The following IGFBP3 variants were observed in gnomAD, a reference collection of about 807,000 sequenced individuals.
The protein encoded by IGFBP3 is insulin-like growth factor-binding protein 3.
IGFBP3 carries 9 observed loss-of-function variants against 28.6 expected under a neutral mutation model. The ratio of observed to expected loss-of-function variants is 0.31; its 90% CI spans 0.19 to 0.55. The LOEUF (loss-of-function observed/expected upper bound fraction) is 0.55, where lower values mean the gene tolerates loss of function less well. Ranked by LOEUF, IGFBP3 falls within the 20% of genes least tolerant of loss-of-function variation. The pLI is 0.93. For synonymous variants in IGFBP3, 185 were observed against 188.2 expected (o/e 0.98, Z 0.14); for missense variants, 382 against 428.9 (o/e 0.89, Z 0.97).
At chr7:45,919,610 A>T (rs903199931) in intron 1 of IGFBP3, among the ~76,000 whole-genome samples, 2 of 152,236 alleles carry the variant, frequency 1.3e-5, no homozygotes, top group East Asian at 3.8e-4. Context: ...GGGCCTGCCC[A>T]GTGACATCTG....
rs994935423 is a variant in IGFBP3 at position 45,913,031 on chromosome 7, T to C, written c.*819A>G. ...CTATTTTCTGCAGTCATCCGAAGAA[T>C]TGTGCCATTACTTGTGATGCCTCTG... On this transcript the variant is annotated 3_prime_UTR_variant, in exon 5 of 5. Coordinates refer to ENST00000613132, the MANE Select transcript of IGFBP3 (RefSeq NM_000598.5). 6.6e-6 allele frequency: 1 copy of C among 152,184 alleles called. No homozygotes were observed. Among genetic ancestry groups the C allele is most frequent in the African/African-American group, 2.4e-5 (1 of 41,430 alleles). The allele number at this position is 152,184 out of a possible 1,614,324, so 9.4% of individuals were successfully genotyped here. A position where few individuals can be genotyped will look rare whatever the true frequency, so the allele number is the denominator to read the frequency against.
At position 45,921,153 on chromosome 7, in the gene IGFBP3, C is replaced by A. The variant is rs1012015567; in HGVS notation, c.-13G>T. On this transcript the variant is annotated 5_prime_UTR_variant, in exon 1 of 5. Coordinates refer to ENST00000613132, the MANE Select transcript of IGFBP3 (RefSeq NM_000598.5). The stretch of plus-strand genomic sequence containing the variant: ...GCGCCCGCTGCATGACGCCTGCAAC[C>A]GGGGCACGCTGCTTGGCAGGCTGGG... The A allele has an allele frequency of 6.7e-7, 1 of 1,502,664 alleles. No homozygotes were observed. Among genetic ancestry groups the A allele is most frequent in the Non-Finnish European group, 8.8e-7 (1 of 1,130,922 alleles). The allele number at this position is 1,502,664 out of a possible 1,614,324, so 93.1% of individuals were successfully genotyped here.
In IGFBP3 at chr7:45,920,757, C is replaced by T; in HGVS notation, c.384G>A (p.Leu128=). 1.4e-6 allele frequency: 2 copies of T among 1,421,248 alleles called. No homozygotes were observed. Among genetic ancestry groups the T allele is most frequent in the Admixed American group, 3.0e-5 (1 of 32,936 alleles). The allele number at this position is 1,421,248 out of a possible 1,614,324, so 88.0% of individuals were successfully genotyped here. Residue 128 remains leucine (L), a synonymous_variant, in exon 1 of 5, where the codon CTG becomes CTA. Transcript: ENST00000613132. ...GCTCACCTGGAGCTGGCGGCGCTGG[C>T]AGCAGGTAGGCGCGCAGGCGGCTGA... The part of the protein sequence containing the change: ...SAVSRLRAYL[L]PAPPAPGNAS...
Position 45,917,141 on chromosome 7 carries a change from C to T in IGFBP3, c.630+72G>A, listed in dbSNP as rs1022529783. The stretch of plus-strand genomic sequence containing the variant: ...CTGGGGTTTGTTGAGTAAGAATTGC[C>T]CTCAAGAGGCTCTGAGTACCCAGGC... On this transcript the variant is annotated intron_variant, in intron 2 of 4. Coordinates refer to ENST00000613132, the MANE Select transcript of IGFBP3 (RefSeq NM_000598.5). 40 of 1,272,164 alleles carry T rather than the reference C, an allele frequency of 3.1e-5. No individual in the cohort carries two copies. In the Admixed American group the frequency reaches 6.4e-4, roughly 20 times the overall value. 78.8% of individuals were successfully genotyped at this position (1,272,164 alleles called of 1,614,324 possible).
At position 45,921,254 on chromosome 7, in the gene IGFBP3, A is replaced by G. The variant is rs1297401068; in HGVS notation, c.-114T>C. ...AGGAAGCGGCTGATCCTCAGCGCCC[A>G]GCCGCAGTGCTCGCATCTGGGCGGC... On this transcript the variant is annotated 5_prime_UTR_variant, in exon 1 of 5. Coordinates refer to ENST00000613132, the MANE Select transcript of IGFBP3 (RefSeq NM_000598.5). The G allele has an allele frequency of 5.5e-6, 7 of 1,265,484 alleles. No individual in the cohort carries two copies. The South Asian group carries it at 9.1e-5, about 16-fold the overall frequency. The allele number at this position is 1,265,484 out of a possible 1,614,324, so 78.4% of individuals were successfully genotyped here.
At chr7:45,916,736 T>G in intron 2 of IGFBP3, 69 bp from the exon 3 acceptor site, 1 of 1,539,198 alleles carries the variant, frequency 6.5e-7, no homozygotes, top group South Asian at 1.1e-5. Flanking sequence ...TTTAAAAATC[T>G]TACGATGCTG....
At chr7:45,919,534 C>T (rs943253634) in intron 1 of IGFBP3, among the ~76,000 whole-genome samples, 4 of 152,288 alleles carry the variant, frequency 2.6e-5, no homozygotes, top group African/African-American at 7.2e-5. Flanking sequence ...ATAACTTCAC[C>T]CGGGCGTGGA....
chr7:45,918,284 G>T (rs1014688450), intron 1 of IGFBP3, among the ~76,000 whole-genome samples: 1 of 152,048 alleles, frequency 6.6e-6, no homozygotes, highest in East Asian at 1.9e-4. Flanking sequence ...CCTTCCCTGG[G>T]TGGGGGTGGG....
rs1406590583 is a variant in IGFBP3 at position 45,914,885 on chromosome 7, G to A, written c.811C>T (p.Pro271Ser). The A allele has an allele frequency of 2.5e-6, 4 of 1,614,088 alleles. No homozygotes were observed. Among genetic ancestry groups the A allele is most frequent in the Non-Finnish European group, 3.4e-6 (4 of 1,179,962 alleles). The change falls in exon 4 of 5, where the codon CCT becomes TCT. Residue 271 changes from proline to serine, a missense_variant. By Grantham distance (74) the Pro-to-Ser change is moderately conservative (BLOSUM62 -1). Coordinates refer to ENST00000613132, the MANE Select transcript of IGFBP3 (RefSeq NM_000598.5). ...CCCTTGGTGGTGTAGCCTGGGAGAGGCTGCCCATACTTATCCACACACCAG... is the reference window on the plus strand; with the variant it reads ...CCCTTGGTGGTGTAGCCTGGGAGAGACTGCCCATACTTATCCACACACCAG... Reference protein sequence around the residue: ...FCWCVDKYGQPLPGYTTKGKE... With the variant: ...FCWCVDKYGQSLPGYTTKGKE...
At position 45,913,157 on chromosome 7, in the gene IGFBP3, A is replaced by C; in HGVS notation, c.*693T>G. 6.6e-6 allele frequency: 1 copy of C among 152,172 alleles called. No homozygotes were observed. Among genetic ancestry groups the C allele is most frequent in the East Asian group, 1.9e-4 (1 of 5,182 alleles). The allele number at this position is 152,172 out of a possible 1,614,324, so 9.4% of individuals were successfully genotyped here. Reference sequence around the variant, plus strand: ...TCGACTGGGCCATGTCTTCAGGAAGATTCCTGAAGAGGAGGGCCCGAAATA... The same window carrying C: ...TCGACTGGGCCATGTCTTCAGGAAGCTTCCTGAAGAGGAGGGCCCGAAATA... On this transcript the variant is annotated 3_prime_UTR_variant, in exon 5 of 5. Coordinates refer to ENST00000613132, the MANE Select transcript of IGFBP3 (RefSeq NM_000598.5).
At chr7:45,919,036 G>GT (rs1562581793) in intron 1 of IGFBP3, among the ~76,000 whole-genome samples, 1 of 152,116 alleles carries the variant, frequency 6.6e-6, no homozygotes, top group East Asian at 1.9e-4. Context: ...GTAAATAAAC[G>GT]TATTTATACT....
chr7:45,919,554 C>A (rs1784656645), intron 1 of IGFBP3, among the ~76,000 whole-genome samples: 1 of 152,180 alleles, frequency 6.6e-6, no homozygotes, highest in Non-Finnish European at 1.5e-5. Context: ...AACTCTACAG[C>A]TACATAAATT....
chr7:45,915,924 T>C (rs998519013), intron 3 of IGFBP3, among the ~76,000 whole-genome samples: 1 of 152,186 alleles, frequency 6.6e-6, no homozygotes, highest in Admixed American at 6.5e-5. Context: ...ACCTGGTATG[T>C]GCTGGGGATG....
At position 45,913,808 on chromosome 7, in the gene IGFBP3, A is replaced by T. The variant is rs1223886858; in HGVS notation, c.*42T>A. ...TGTCCTTGGCAGTCTTTTGTGCAAAATAAGGCATATTTGAGCTCCACATTA... is the reference window on the plus strand; with the variant it reads ...TGTCCTTGGCAGTCTTTTGTGCAAATTAAGGCATATTTGAGCTCCACATTA... On this transcript the variant is annotated 3_prime_UTR_variant, in exon 5 of 5. Transcript: ENST00000613132. 2.0e-5 allele frequency: 3 copies of T among 152,570 alleles called. No homozygotes were observed. Among genetic ancestry groups the T allele is most frequent in the African/African-American group, 7.2e-5 (3 of 41,460 alleles). The allele number at this position is 152,570 out of a possible 1,614,324, so 9.5% of individuals were successfully genotyped here. A position where few individuals can be genotyped will look rare whatever the true frequency, so the allele number is the denominator to read the frequency against.
In IGFBP3 at chr7:45,916,656, A is replaced by C. The variant is rs376919463; in HGVS notation, c.642T>G (p.Arg214=). 21 of 1,612,630 alleles carry C rather than the reference A, an allele frequency of 1.3e-5. No individual in the cohort carries two copies. The East Asian group carries it at 1.8e-4, about 14-fold the overall frequency. Residue 214 remains arginine, a synonymous_variant, in exon 3 of 5, where the codon CGT becomes CGG. Transcript: ENST00000613132. ...SKRETEYGPC[R]REMEDTLNHL... is the part of the protein sequence containing the mutation. Reference sequence around the variant, plus strand: ...GATTCAGTGTGTCTTCCATTTCTCTACGGCAGGGACCCTGGGGATCAGGAA... The same window carrying C: ...GATTCAGTGTGTCTTCCATTTCTCTCCGGCAGGGACCCTGGGGATCAGGAA...
At position 45,912,760 on chromosome 7, in the gene IGFBP3, T is replaced by G. The variant is rs962016282; in HGVS notation, c.*1090A>C. 1 of 152,648 alleles carries G rather than the reference T, an allele frequency of 6.6e-6. No individual in the cohort carries two copies. The highest frequency in any genetic ancestry group is 1.5e-5 in the Non-Finnish European group (1 of 68,052). The allele number at this position is 152,648 out of a possible 1,614,324, so 9.5% of individuals were successfully genotyped here. A position where few individuals can be genotyped will look rare whatever the true frequency, so the allele number is the denominator to read the frequency against. On this transcript the variant is annotated 3_prime_UTR_variant, in exon 5 of 5. Coordinates refer to ENST00000613132, the MANE Select transcript of IGFBP3 (RefSeq NM_000598.5). ...CAAGAACATATCTTCTCTGCATATA[T>G]GTGTGAATTATAAAGAAAAGCATGA...
intron 4 of IGFBP3, 181 bp downstream of exon 4, chr7:45,914,624 G>T (rs1362220703): frequency 1.9e-6 from 1 of 536,556 alleles, no homozygotes; most frequent in African/African-American, 1.9e-5. Flanking sequence ...GGTTGATGGG[G>T]TCTCCCTCTC....
intron 2 of IGFBP3, 45 bp downstream of exon 2, chr7:45,917,168 T>G (rs1308079746): frequency 6.7e-7 from 1 of 1,485,298 alleles, no homozygotes; most frequent in Non-Finnish European, 9.4e-7. Context: ...TACCCAGGCT[T>G]GGCAGGTCTT....
At chr7:45,916,688 G>T in intron 2 of IGFBP3, 21 bp from the exon 3 acceptor site, 1 of 1,596,896 alleles carries the variant, frequency 6.3e-7, no homozygotes, top group South Asian at 1.1e-5. Context: ...GGAAGGACCA[G>T]AGCAACAGAG....
Sources: allele counts gnomAD v4.1 joint callset (sites outside exome capture counted in the v4.1 genomes callset), GRCh38; gene constraint gnomAD v4.1.1; transcripts MANE v1.5; gene names NCBI Gene and HGNC (gene_info 2026-07-23, HGNC 2026-07-21).